Variants in CMSS1 observed in about 807,000 individuals in gnomAD.
CMSS1 encodes protein CMSS1.
CMSS1 carries 33 observed loss-of-function variants against 43.5 expected under a neutral mutation model. The observed-to-expected ratio is 0.76, with a 90% confidence interval of 0.57 to 1.01. The LOEUF is 1.01. CMSS1 is among the 50% of genes least tolerant of loss of function. The pLI, the probability that CMSS1 is intolerant of heterozygous loss-of-function variation, is 0.00. For synonymous variants in CMSS1, 115 were observed against 117.2 expected, an observed-to-expected ratio of 0.98 and a Z score of 0.12; for missense variants, 313 against 326.4, an observed-to-expected ratio of 0.96 and a Z score of 0.32.
At position 100,126,632 on chromosome 3, in the gene CMSS1, A is replaced by G. The variant is rs532625986; in HGVS notation, c.65-20341A>G. 3.5e-4 allele frequency among the ~76,000 whole-genome samples: 53 copies of G among 152,212 alleles called. 1 individual carries two copies. The highest frequency in any genetic ancestry group is 1.5e-3 in the South Asian group (7 of 4,818). Reference sequence around the variant, plus strand: ...ATATAGTCTTTTTTTGTAACCTTGTAAGCTGCCTTAAATTTTTTTCTAGAA... The same window carrying G: ...ATATAGTCTTTTTTTGTAACCTTGTGAGCTGCCTTAAATTTTTTTCTAGAA... On this transcript the variant is annotated intron_variant, in intron 1 of 9. Coordinates refer to ENST00000421999, the MANE Select transcript of CMSS1 (RefSeq NM_032359.4).
rs10629410 is a variant in CMSS1, at chr3:99,929,513, AGTGTGTGT to A, written c.64+111491_64+111498del. On this transcript the variant is annotated intron_variant, in intron 1 of 9. Transcript: ENST00000421999. The stretch of plus-strand genomic sequence containing the variant: ...GCCTGGGTACCCTGCAAGTTCCCAG[AGTGTGTGT>A]GTGTGTGTGTGTGTGTGTGTAAGCA... 9.4e-4 allele frequency among the ~76,000 whole-genome samples: 140 copies of A among 148,284 alleles called. 1 individual carries two copies. Among genetic ancestry groups the A allele is most frequent in the Non-Finnish European group, 1.7e-3 (111 of 66,912 alleles).
At chr3:100,018,849 A>G (rs1710420996) in intron 1 of CMSS1, among the ~76,000 whole-genome samples, 1 of 152,174 alleles carries the variant, frequency 6.6e-6, no homozygotes, top group African/African-American at 2.4e-5. Context: ...CTACAACTCA[A>G]TAACAAAAAA....
At chr3:99,820,396 C>A (rs1040367810) in intron 1 of CMSS1, among the ~76,000 whole-genome samples, 16 of 152,008 alleles carry the variant, frequency 1.1e-4, no homozygotes, top group African/African-American at 3.9e-4. Context: ...GGGGTTTCAC[C>A]ATGTTGGCCA....
At chr3:99,832,157 A>T (rs1178778668) in intron 1 of CMSS1, among the ~76,000 whole-genome samples, 1 of 151,804 alleles carries the variant, frequency 6.6e-6, no homozygotes, top group Non-Finnish European at 1.5e-5. Flanking sequence ...CATTTTCATT[A>T]CGTAGTTTTT....
intron 1 of CMSS1, among the ~76,000 whole-genome samples, chr3:99,946,567 A>G (rs889464973): frequency 6.6e-6 from 1 of 152,244 alleles, no homozygotes; most frequent in Non-Finnish European, 1.5e-5. Context: ...TTGGTCTTAC[A>G]GACTGTTAAT....
intron 1 of CMSS1, among the ~76,000 whole-genome samples, chr3:99,837,316 A>T (rs704581): frequency 0.73 from 110,266 of 151,896 alleles, 40,547 homozygotes; most frequent in African/African-American, 0.85. Flanking sequence ...CTGTTTATAT[A>T]AAACAGTGGT....
chr3:99,910,873 A>G (rs1706765908), intron 1 of CMSS1, among the ~76,000 whole-genome samples: 2 of 152,212 alleles, frequency 1.3e-5, no homozygotes, highest in African/African-American at 4.8e-5. Context: ...AACTCAAACA[A>G]TGGCCAAAGG....
At chr3:100,042,367 A>C (rs1050383538) in intron 1 of CMSS1, among the ~76,000 whole-genome samples, 2 of 152,206 alleles carry the variant, frequency 1.3e-5, no homozygotes, top group Non-Finnish European at 2.9e-5. Context: ...TGACCAGCCA[A>C]TACCAGATAC....
At chr3:99,923,608 C>T (rs188766095) in intron 1 of CMSS1, among the ~76,000 whole-genome samples, 14 of 152,324 alleles carry the variant, frequency 9.2e-5, no homozygotes, top group Admixed American at 8.5e-4. Context: ...AACACATCCC[C>T]TCATCTTTCT....
chr3:99,953,489 C>T (rs1708236726), intron 1 of CMSS1, among the ~76,000 whole-genome samples: 2 of 152,068 alleles, frequency 1.3e-5, no homozygotes, highest in African/African-American at 4.8e-5. Flanking sequence ...TTATTATGTC[C>T]TAGGAAGGTG....
rs1013403437 is a variant in CMSS1 at position 100,180,304 on chromosome 3, C to A, written c.*1916C>A. Reference sequence around the variant, plus strand: ...TCTGCAGTGAGCTTGAATTTCTCCCCAGAAAATGGCTTTTCTTTTCTACCA... The same window carrying A: ...TCTGCAGTGAGCTTGAATTTCTCCCAAGAAAATGGCTTTTCTTTTCTACCA... On this transcript the variant is annotated 3_prime_UTR_variant, in exon 10 of 10. Coordinates refer to ENST00000421999, the MANE Select transcript of CMSS1 (RefSeq NM_032359.4). The A allele has an allele frequency of 7.2e-5, 11 of 152,244 alleles. No individual in the cohort carries two copies. The highest frequency in any genetic ancestry group is 2.7e-4 in the African/African-American group (11 of 41,458). The allele number at this position is 152,244 out of a possible 1,614,324, so 9.4% of individuals were successfully genotyped here.
intron 1 of CMSS1, among the ~76,000 whole-genome samples, chr3:99,994,552 A>G (rs1432605450): frequency 1.3e-5 from 2 of 152,234 alleles, no homozygotes; most frequent in Non-Finnish European, 2.9e-5. Context: ...AACACAATGG[A>G]AAAAGGCTAG....
chr3:99,931,564 A>G (rs1707483896), intron 1 of CMSS1, among the ~76,000 whole-genome samples: 1 of 152,178 alleles, frequency 6.6e-6, no homozygotes, highest in East Asian at 1.9e-4. Context: ...CTACAGAATT[A>G]CTGCATTATT....
At chr3:99,958,888 G>A (rs1708415694) in intron 1 of CMSS1, among the ~76,000 whole-genome samples, 1 of 152,136 alleles carries the variant, frequency 6.6e-6, no homozygotes, top group Non-Finnish European at 1.5e-5. Context: ...CTTAGGCAGT[G>A]GGAAGCTATT....
In CMSS1 at chr3:99,951,026, TC is replaced by T. The variant is rs958498829; in HGVS notation, c.64+132984del. Among the ~76,000 whole-genome samples the T allele has an allele frequency of 1.3e-5, 2 of 152,188 alleles. 1 individual carries two copies. The highest frequency in any genetic ancestry group is 4.8e-5 in the African/African-American group (2 of 41,444). ...GCTTGGTTTGGCCCACAGTTTCACC[TC>T]ATGCCCCTCCCTTTGTCACTCTTTC... On this transcript the variant is annotated intron_variant, in intron 1 of 9. Transcript: ENST00000421999.
intron 1 of CMSS1, among the ~76,000 whole-genome samples, chr3:99,965,341 G>C (rs1708617762): frequency 6.6e-6 from 1 of 152,098 alleles, no homozygotes; most frequent in Non-Finnish European, 1.5e-5. Flanking sequence ...GTTCTTACTG[G>C]TGCAGGCTGT....
chr3:100,045,221 A>G (rs1350555440), intron 1 of CMSS1, among the ~76,000 whole-genome samples: 1 of 152,260 alleles, frequency 6.6e-6, no homozygotes, highest in Non-Finnish European at 1.5e-5. Flanking sequence ...CTTGGAAGTA[A>G]TGATCTAGCT....
At chr3:99,956,678 G>A (rs189403361) in intron 1 of CMSS1, among the ~76,000 whole-genome samples, 18 of 152,260 alleles carry the variant, frequency 1.2e-4, no homozygotes, top group Non-Finnish European at 1.8e-4. Context: ...CATAAGCATC[G>A]CCTCTTAAAT....
At chr3:100,031,768 AG>A (rs1322660628) in intron 1 of CMSS1, among the ~76,000 whole-genome samples, 1 of 152,154 alleles carries the variant, frequency 6.6e-6, no homozygotes, top group Non-Finnish European at 1.5e-5. Context: ...CTTTCTCCAA[AG>A]GGAAACACCC....
Sources: allele counts gnomAD v4.1 joint callset (sites outside exome capture counted in the v4.1 genomes callset), GRCh38; gene constraint gnomAD v4.1.1; transcripts MANE v1.5; gene names NCBI Gene and HGNC (gene_info 2026-07-23, HGNC 2026-07-21).